SOX6: variants seen among roughly 807,000 people sequenced by gnomAD.
SOX6 encodes transcription factor SOX-6.
SOX6 carries 11 observed loss-of-function variants against 97.8 expected under a neutral mutation model. The observed-to-expected ratio is 0.11, with a 90% confidence interval of 0.07 to 0.19. SOX6 has a LOEUF of 0.19. Among genes scored for constraint, SOX6 ranks in the 10% least tolerant of loss-of-function variants. The probability of loss-of-function intolerance (pLI) is 1.00; values close to 1 mark genes in which losing one functional copy is unlikely to be tolerated. For synonymous variants in SOX6, 360 were observed against 371.4 expected (o/e 0.97, Z 0.35); for missense variants, 810 against 1,039.5 (o/e 0.78, Z 3.04).
At chr11:16,623,847 A>G (rs1046876657) in intron 3 of SOX6, among the ~76,000 whole-genome samples, 5 of 152,162 alleles carry the variant, frequency 3.3e-5, no homozygotes, top group Non-Finnish European at 7.4e-5. Flanking sequence ...CTCCATGTCT[A>G]TATTGGTCTG....
chr11:16,513,705 T>A (rs139734267), intron 4 of SOX6, among the ~76,000 whole-genome samples: 4 of 152,252 alleles, frequency 2.6e-5, no homozygotes, highest in Non-Finnish European at 5.9e-5. Flanking sequence ...CAGAGTAATG[T>A]TGCTGAGAAG....
chr11:16,252,316 A>T (rs908639430), intron 3 of SOX6: 1 of 152,288 alleles, frequency 6.6e-6, no homozygotes, highest in African/African-American at 2.4e-5. Flanking sequence ...CACCCAACAG[A>T]TTGCTGCCCC....
chr11:16,076,486 C>T (rs562642182), intron 9 of SOX6, among the ~76,000 whole-genome samples: 6 of 151,492 alleles, frequency 4.0e-5, no homozygotes, highest in Admixed American at 1.3e-4. Context: ...AGACTCACAG[C>T]CAATAAGCAT....
chr11:16,259,181 A>G (rs908969392), intron 3 of SOX6, among the ~76,000 whole-genome samples: 9 of 152,066 alleles, frequency 5.9e-5, no homozygotes, highest in Admixed American at 5.9e-4. Context: ...ATATTTGCAA[A>G]AAATAGAAAA....
chr11:16,505,698 G>A (rs1043264560), intron 4 of SOX6, among the ~76,000 whole-genome samples: 4 of 152,168 alleles, frequency 2.6e-5, no homozygotes, highest in African/African-American at 9.7e-5. Context: ...GCCTAGAAGG[G>A]AAAAATGGTT....
intron 4 of SOX6, among the ~76,000 whole-genome samples, chr11:16,557,469 C>T (rs1196654525): frequency 4.0e-5 from 6 of 151,722 alleles, no homozygotes; most frequent in Non-Finnish European, 8.9e-5. Context: ...CCGGATAGTC[C>T]CAGCTTATCA....
intron 1 of SOX6, among the ~76,000 whole-genome samples, chr11:16,382,965 T>A (rs1206289269): frequency 6.6e-6 from 1 of 151,968 alleles, no homozygotes; most frequent in Non-Finnish European, 1.5e-5. Context: ...TGCTCCCTTT[T>A]CATGGATAAT....
At chr11:16,547,824 G>C (rs1847639069) in intron 4 of SOX6, among the ~76,000 whole-genome samples, 1 of 152,104 alleles carries the variant, frequency 6.6e-6, no homozygotes, top group South Asian at 2.1e-4. Flanking sequence ...TGAGATGATG[G>C]ATATCCTAAA....
intron 4 of SOX6, among the ~76,000 whole-genome samples, chr11:16,560,517 G>A (rs1847799933): frequency 7.7e-6 from 1 of 129,870 alleles, no homozygotes; most frequent in Non-Finnish European, 1.7e-5. Context: ...GTACATATAT[G>A]TTTATACGTA....
chr11:16,637,552 T>C (rs181119433), intron 3 of SOX6, among the ~76,000 whole-genome samples: 55 of 152,314 alleles, frequency 3.6e-4, no homozygotes, highest in African/African-American at 1.2e-3. Flanking sequence ...TATTAAACTA[T>C]AAATTTCCCC....
chr11:16,494,748 C>A (rs1399791552), intron 4 of SOX6, among the ~76,000 whole-genome samples: 1 of 152,056 alleles, frequency 6.6e-6, no homozygotes, highest in African/African-American at 2.4e-5. Context: ...AGAGACTCCC[C>A]AACATAGGGA....
chr11:16,087,872 C>T (rs1028030615), intron 9 of SOX6, among the ~76,000 whole-genome samples: 1 of 152,028 alleles, frequency 6.6e-6, no homozygotes, highest in Admixed American at 6.6e-5. Context: ...TCTCAATCTT[C>T]GCACTATTGG....
intron 3 of SOX6, among the ~76,000 whole-genome samples, chr11:16,674,940 G>A (rs1179745183): frequency 6.6e-6 from 1 of 152,136 alleles, no homozygotes; most frequent in African/African-American, 2.4e-5. Flanking sequence ...CTGGGTGACA[G>A]GGTGAGACTC....
intron 1 of SOX6, among the ~76,000 whole-genome samples, chr11:16,384,265 G>T (rs909375759): frequency 6.6e-6 from 1 of 151,668 alleles, no homozygotes; most frequent in Non-Finnish European, 1.5e-5. Context: ...AATAATGTTG[G>T]CACTTAAGGA....
chr11:16,676,723 A>AAAC (rs908123103), intron 3 of SOX6, among the ~76,000 whole-genome samples: 12 of 152,250 alleles, frequency 7.9e-5, no homozygotes, highest in East Asian at 1.9e-4. Flanking sequence ...AACACAAATC[A>AAAC]AACAACAACA....
In SOX6 at chr11:16,668,533, T is replaced by C. The variant is rs534525922; in HGVS notation, n.429+46297A>G. ...ACCAACCAGAAAACAAATAACAAAATATCAGGAGTAGGCCCTTACTTATCA... is the reference window on the plus strand; with the variant it reads ...ACCAACCAGAAAACAAATAACAAAACATCAGGAGTAGGCCCTTACTTATCA... On this transcript the variant is annotated intron_variant and non_coding_transcript_variant, in intron 3 of 5. Transcript: ENST00000524520. Among the ~76,000 whole-genome samples, 118 of 152,036 alleles carry C rather than the reference T, an allele frequency of 7.8e-4. 2 individuals are homozygous for C. In the South Asian group the frequency reaches 0.024, roughly 30 times the overall value.
At chr11:16,513,981 C>T (rs546513243) in intron 4 of SOX6, among the ~76,000 whole-genome samples, 1 of 151,902 alleles carries the variant, frequency 6.6e-6, no homozygotes, top group Non-Finnish European at 1.5e-5. Context: ...GAGGCCAATG[C>T]GGGAGAATTG....
At chr11:16,561,272 C>G (rs946917697) in intron 4 of SOX6, among the ~76,000 whole-genome samples, 2 of 152,114 alleles carry the variant, frequency 1.3e-5, no homozygotes, top group Non-Finnish European at 2.9e-5. Context: ...GAGGGTAGAT[C>G]CACTGCCTCT....
intron 3 of SOX6, among the ~76,000 whole-genome samples, chr11:16,690,197 C>T (rs1564869949): frequency 1.3e-5 from 2 of 152,168 alleles, no homozygotes; most frequent in African/African-American, 2.4e-5. Flanking sequence ...AAGGTGTGAG[C>T]CACTGCACCC....
Sources: allele counts gnomAD v4.1 joint callset (sites outside exome capture counted in the v4.1 genomes callset), GRCh38; gene constraint gnomAD v4.1.1; transcripts MANE v1.5; gene names NCBI Gene and HGNC (gene_info 2026-07-23, HGNC 2026-07-21).